CCDC33: variants seen among roughly 807,000 people sequenced by gnomAD.
The protein encoded by CCDC33 is coiled-coil domain containing 33.
Under a neutral mutation model 91.9 loss-of-function variants are expected in CCDC33, and 94 were observed. The ratio of observed to expected loss-of-function variants is 1.02; its 90% CI spans 0.87 to 1.21. The LOEUF is 1.21. CCDC33 is among the 50% of genes most tolerant of loss of function. The pLI, the probability that CCDC33 is intolerant of heterozygous loss-of-function variation, is 0.00. For synonymous variants in CCDC33, 396 were observed against 374.5 expected, an observed-to-expected ratio of 1.06 and a Z score of -0.66; for missense variants, 940 against 935.5, an observed-to-expected ratio of 1.00 and a Z score of -0.06.
At chr15:74,229,982 G>A (rs2074916710) in intron 2 of CCDC33, among the ~76,000 whole-genome samples, 1 of 152,244 alleles carries the variant, frequency 6.6e-6, no homozygotes, top group African/African-American at 2.4e-5. Flanking sequence ...TGTGCAGGTT[G>A]TGCACAATTC....
At chr15:74,212,936 G>A (rs970995292), upstream of CCDC33, 8 of 152,020 alleles carry the variant, frequency 5.3e-5, no homozygotes, top group Non-Finnish European at 1.2e-4. Context: ...AGGCCTAGGT[G>A]GGGCATGGTG....
intron 7 of CCDC33, among the ~76,000 whole-genome samples, chr15:74,274,533 G>C (rs946861302): frequency 6.6e-6 from 1 of 152,216 alleles, no homozygotes; most frequent in African/African-American, 2.4e-5. Flanking sequence ...TCAGACATGG[G>C]GTAGAGTGAT....
intron 11 of CCDC33, among the ~76,000 whole-genome samples, chr15:74,320,408 T>G (rs2060182183): frequency 6.9e-6 from 1 of 144,544 alleles, no homozygotes. Context: ...TCCCCAACCC[T>G]ACCCCTGGCC....
At chr15:74,223,196 C>A (rs1425194909) in intron 2 of CCDC33, among the ~76,000 whole-genome samples, 1 of 152,132 alleles carries the variant, frequency 6.6e-6, no homozygotes, top group East Asian at 1.9e-4. Flanking sequence ...TCTTCTGAAG[C>A]CTCCCCTTCT....
At chr15:74,239,784 G>A (rs1164462682) in intron 1 of CCDC33, among the ~76,000 whole-genome samples, 1 of 152,156 alleles carries the variant, frequency 6.6e-6, no homozygotes, top group African/African-American at 2.4e-5. Context: ...CCCTCCCCAG[G>A]GCTCACCACA....
At position 74,218,361 on chromosome 15, in the gene CCDC33, CT is replaced by C. The variant is rs2074501917; in HGVS notation, c.311-134del. 2 of 949,632 alleles carry C rather than the reference CT, an allele frequency of 2.1e-6. No individual in the cohort carries two copies. Among genetic ancestry groups the C allele is most frequent in the Non-Finnish European group, 2.8e-6 (2 of 721,616 alleles). 58.8% of individuals were successfully genotyped at this position (949,632 alleles called of 1,614,324 possible). On this transcript the variant is annotated intron_variant, in intron 1 of 2. Transcript: ENST00000635913. The surrounding 1 kb of genome is among the most constrained non-coding windows in gnomAD (Gnocchi z 4.8). ...GGAGGGAGTCGCCTACCAGGGAAAT[CT>C]TAGCCAAGACTGCTTGGCTTTGACT...
upstream of CCDC33, among the ~76,000 whole-genome samples, chr15:74,216,809 T>A (rs946231779): frequency 6.6e-6 from 1 of 151,220 alleles, no homozygotes; most frequent in African/African-American, 2.4e-5. Flanking sequence ...CACGTACCCA[T>A]GAGCTCCCCA....
chr15:74,249,766 G>C (rs748154728), intron 2 of CCDC33, among the ~76,000 whole-genome samples: 2 of 152,126 alleles, frequency 1.3e-5, no homozygotes, highest in East Asian at 1.9e-4. Context: ...TGCAAGACCC[G>C]TGTTAAAAGT....
At chr15:74,219,873 C>T (rs914556296) in intron 2 of CCDC33, among the ~76,000 whole-genome samples, 7 of 152,112 alleles carry the variant, frequency 4.6e-5, no homozygotes, top group African/African-American at 9.7e-5. Flanking sequence ...GGAGAGGTTC[C>T]GCTGGCAGTA....
chr15:74,331,597 A>G (rs1401032269), intron 15 of CCDC33, among the ~76,000 whole-genome samples: 1 of 152,244 alleles, frequency 6.6e-6, no homozygotes, highest in Non-Finnish European at 1.5e-5. Flanking sequence ...CTAGCACAGC[A>G]GAGAGGGCCT....
intron 2 of CCDC33, among the ~76,000 whole-genome samples, chr15:74,245,830 C>G (rs189264138): frequency 6.6e-6 from 1 of 152,204 alleles, no homozygotes; most frequent in Admixed American, 6.5e-5. Context: ...GAGCAGCGCC[C>G]GGGCCAGGCT....
chr15:74,307,341 C>G (rs748520147), intron 11 of CCDC33, among the ~76,000 whole-genome samples: 3 of 152,218 alleles, frequency 2.0e-5, no homozygotes, highest in African/African-American at 4.8e-5. Context: ...TGAGCTCGTA[C>G]TCTGTACCCA....
chr15:74,268,340 A>G lies in CCDC33; in HGVS notation c.430-2A>G, dbSNP rs748189725. On this transcript the variant is annotated splice_acceptor_variant, in intron 4 of 18. Transcript: ENST00000398814. LOFTEE classifies it high-confidence loss of function. ...TGTCTTCTGCCCCAACCCTGTCTCC[A>G]GCCCACTGAGTCTGGGAAAGCCGAT... is the stretch of plus-strand genomic sequence containing the variant. 3.1e-6 allele frequency: 5 copies of G among 1,610,178 alleles called. No homozygotes were observed. In the Admixed American group the frequency reaches 8.3e-5, roughly 27 times the overall value.
chr15:74,297,007 G>A lies in CCDC33; in HGVS notation c.1290+1059G>A, dbSNP rs568777247. On this transcript the variant is annotated intron_variant, in intron 11 of 18. Coordinates refer to ENST00000398814, the MANE Select transcript of CCDC33 (RefSeq NM_025055.5). Reference sequence around the variant, plus strand: ...GGAAGTCCAAGCCATCCTCCTCCCAGGACCTGACCTCCTCCACCAACAGCC... The same window carrying A: ...GGAAGTCCAAGCCATCCTCCTCCCAAGACCTGACCTCCTCCACCAACAGCC... Among the ~76,000 whole-genome samples, 5 of 152,312 alleles carry A rather than the reference G, an allele frequency of 3.3e-5. No individual in the cohort carries two copies. The East Asian group carries it at 9.6e-4, about 29-fold the overall frequency.
At chr15:74,297,232 G>A (rs934573673) in intron 11 of CCDC33, among the ~76,000 whole-genome samples, 1 of 152,222 alleles carries the variant, frequency 6.6e-6, no homozygotes, top group Non-Finnish European at 1.5e-5. Flanking sequence ...TCTGGCCCTT[G>A]GGGAAAGAGC....
rs568936268 is a variant in CCDC33, at chr15:74,265,673, G to A, written c.320-1005G>A. ...AGATACTCACTAAATAATCATGACA[G>A]TCCCGCTCACTAAACAGGACTGTCA... is the stretch of plus-strand genomic sequence containing the variant. On this transcript the variant is annotated intron_variant, in intron 3 of 18. Coordinates refer to ENST00000398814, the MANE Select transcript of CCDC33 (RefSeq NM_025055.5). Among the ~76,000 whole-genome samples, 12 of 152,322 alleles carry A rather than the reference G, an allele frequency of 7.9e-5. No individual in the cohort carries two copies. In the East Asian group the frequency reaches 2.3e-3, roughly 29 times the overall value.
intron 2 of CCDC33, among the ~76,000 whole-genome samples, chr15:74,260,091 G>A (rs747501667): frequency 2.0e-5 from 3 of 152,204 alleles, no homozygotes; most frequent in Non-Finnish European, 4.4e-5. Context: ...GCACAGGGAG[G>A]CTGCTGAGAG....
At position 74,262,449 on chromosome 15, in the gene CCDC33, A is replaced by G; in HGVS notation, c.195A>G (p.Thr65=). 5 of 1,614,032 alleles carry G rather than the reference A, an allele frequency of 3.1e-6. No homozygotes were observed. Among genetic ancestry groups the G allele is most frequent in the Non-Finnish European group, 4.2e-6 (5 of 1,179,972 alleles). ...CCCCTGCTCTCCCCAGGAAAAGCAC[A>G]TCTGAGGAAAAGAACAATCAGAGCT... The part of the protein sequence containing the change: ...EPWPYVVVKS[T]SEEKNNQSSK... The change falls in exon 3 of 19, where the codon ACA becomes ACG. Residue 65 remains threonine (T), a synonymous_variant. Transcript: ENST00000398814.
chr15:74,333,325 G>C, intron 16 of CCDC33: 1 of 1,571,718 alleles, frequency 6.4e-7, no homozygotes, highest in South Asian at 1.2e-5. Flanking sequence ...CCGCACAGGT[G>C]GGTGGCCCAG....
Sources: allele counts gnomAD v4.1 joint callset (sites outside exome capture counted in the v4.1 genomes callset), GRCh38; gene constraint gnomAD v4.1.1; non-coding constraint Gnocchi (gnomAD v3.1); transcripts MANE v1.5; gene names NCBI Gene and HGNC (gene_info 2026-07-23, HGNC 2026-07-21).